The following FCGR1A variants were observed in gnomAD, a reference collection of about 807,000 sequenced individuals.
FCGR1A encodes the protein Fc gamma receptor Ia.
FCGR1A carries 13 observed loss-of-function variants against 35.0 expected under a neutral mutation model. The ratio of observed to expected loss-of-function variants is 0.37; its 90% CI spans 0.24 to 0.59. FCGR1A has a LOEUF of 0.59. FCGR1A is among the 20% of genes least tolerant of loss of function. FCGR1A has a pLI of 0.71. For missense variants in FCGR1A, 227 were observed against 430.0 expected (o/e 0.53, Z 4.17); for synonymous variants, 91 against 164.7 (o/e 0.55, Z 3.43).
At chr1:149,792,667 G>C (rs782076336), downstream of FCGR1A, 3 of 1,278,118 alleles carry the variant, frequency 2.3e-6, 1 homozygote, top group African/African-American at 4.7e-5. Flanking sequence ...GGGGGCCGCA[G>C]CCGCCAGCGC....
intron 3 of FCGR1A, among the ~76,000 whole-genome samples, chr1:149,784,831 A>G (rs2091498421): frequency 6.6e-6 from 1 of 151,916 alleles, no homozygotes; most frequent in African/African-American, 2.4e-5. Context: ...ATATTAATAG[A>G]AATCCACTTT....
downstream of FCGR1A, among the ~76,000 whole-genome samples, chr1:149,796,328 T>C (rs1269806608): frequency 1.3e-5 from 2 of 152,162 alleles, no homozygotes; most frequent in Non-Finnish European, 2.9e-5. Flanking sequence ...TAAGGAAGAC[T>C]AGAAATAATT....
chr1:149,788,380 C>T lies in FCGR1A; in HGVS notation c.322C>T (p.Gln108Ter). 1 of 1,612,974 alleles carries T rather than the reference C, an allele frequency of 6.2e-7. No homozygotes were observed. Among genetic ancestry groups the T allele is most frequent in the Non-Finnish European group, 8.5e-7 (1 of 1,179,860 alleles). The change falls in exon 4 of 6, where the codon CAG (glutamine) becomes TAG (stop). Residue 108 changes from glutamine to a stop codon, truncating the protein, a stop_gained. Coordinates refer to ENST00000369168, the MANE Select transcript of FCGR1A (RefSeq NM_000566.4). LOFTEE classifies it high-confidence loss of function. ...ATATTTTTCAGGCTGGCTACTACTG[C>T]AGGTCTCCAGCAGAGTCTTCACGGA... ...LEIHRGWLLL[Q>*]VSSRVFTEGE...
At chr1:149,793,964 C>G (rs1293478767), downstream of FCGR1A, 30 of 1,106,328 alleles carry the variant, frequency 2.7e-5, no homozygotes, top group African/African-American at 3.3e-5. Flanking sequence ...CAAGGATTAG[C>G]TAGACCTGCC....
the FCGR1A span, among the ~76,000 whole-genome samples, chr1:149,798,775 C>G: frequency 6.6e-6 from 1 of 152,096 alleles, no homozygotes; most frequent in East Asian, 1.9e-4. Context: ...CCATGCCTGG[C>G]TAATATTTTT....
chr1:149,793,830 T>C (rs2091768072), downstream of FCGR1A: 1 of 1,224,582 alleles, frequency 8.2e-7, no homozygotes, highest in African/African-American at 1.6e-5. Flanking sequence ...CAGAGGTTCC[T>C]AGCCTGAGAA....
rs1553751166 is a variant in FCGR1A, at chr1:149,788,536, A to G, written c.478A>G (p.Ile160Val). ...TAACCTCACCATTCTGAAAACCAAC[A>G]TAAGTCACAATGGCACCTACCATTG... ...NSNLTILKTNISHNGTYHCSG... is the reference protein window; with the variant it reads ...NSNLTILKTNVSHNGTYHCSG... The change falls in exon 4 of 6, where the codon ATA becomes GTA. Residue 160 changes from isoleucine (I) to valine (V), a missense_variant. By Grantham distance (29) the Ile-to-Val change is conservative. This residue lies in a region of FCGR1A where 185 missense variants were observed against 306.6 expected (regional missense o/e 0.60). Coordinates refer to ENST00000369168, the MANE Select transcript of FCGR1A (RefSeq NM_000566.4). 4 of 1,613,780 alleles carry G rather than the reference A, an allele frequency of 2.5e-6. No homozygotes were observed. The highest frequency in any genetic ancestry group is 2.2e-5 in the East Asian group (1 of 44,878).
chr1:149,793,302 C>G, downstream of FCGR1A: 1 of 1,177,880 alleles, frequency 8.5e-7, no homozygotes, highest in South Asian at 1.5e-5. Flanking sequence ...CCGTCCAGCT[C>G]GGAGGACCTC....
Position 149,784,719 on chromosome 1 carries a change from T to C in FCGR1A, c.307+462T>C, listed in dbSNP as rs2260130. On this transcript the variant is annotated intron_variant, in intron 3 of 5. Transcript: ENST00000369168. The stretch of plus-strand genomic sequence containing the variant: ...TATAAACTATATATATATATATATA[T>C]ACACACATATATATAGTTTTAAAGC... 1.2e-3 allele frequency among the ~76,000 whole-genome samples: 159 copies of C among 129,430 alleles called. 1 individual carries two copies. The highest frequency in any genetic ancestry group is 1.9e-3 in the African/African-American group (66 of 35,436). The allele number at this position is 129,430 out of a possible 152,430, so 84.9% of individuals were successfully genotyped here.
rs782020678 is a variant in FCGR1A, at chr1:149,791,228, C to G, written c.845-9C>G. 3 of 1,605,814 alleles carry G rather than the reference C, an allele frequency of 1.9e-6. No homozygotes were observed. The highest frequency in any genetic ancestry group is 3.4e-5 in the Admixed American group (2 of 59,630). Reference sequence around the variant, plus strand: ...TAGTATCTCTTCTCTTTGTCTTTTTCTGTTTCAGGCCTCCAGTTACCAACT... The same window carrying G: ...TAGTATCTCTTCTCTTTGTCTTTTTGTGTTTCAGGCCTCCAGTTACCAACT... On this transcript the variant is annotated splice_polypyrimidine_tract_variant and intron_variant, in intron 5 of 5. Coordinates refer to ENST00000369168, the MANE Select transcript of FCGR1A (RefSeq NM_000566.4).
rs1311635416 is a variant in FCGR1A, at chr1:149,791,216, C to G, written c.845-21C>G. Reference sequence around the variant, plus strand: ...CTGGTCTCTAAATAGTATCTCTTCTCTTTGTCTTTTTCTGTTTCAGGCCTC... The same window carrying G: ...CTGGTCTCTAAATAGTATCTCTTCTGTTTGTCTTTTTCTGTTTCAGGCCTC... On this transcript the variant is annotated intron_variant, in intron 5 of 5. Coordinates refer to ENST00000369168, the MANE Select transcript of FCGR1A (RefSeq NM_000566.4). 2.0e-5 allele frequency: 31 copies of G among 1,582,492 alleles called. 2 individuals carry two copies. Among genetic ancestry groups the G allele is most frequent in the Non-Finnish European group, 2.7e-5 (31 of 1,165,008 alleles).
intron 3 of FCGR1A, 43 bp from the exon 4 acceptor site, chr1:149,788,323 C>T: frequency 2.5e-6 from 4 of 1,611,882 alleles, no homozygotes; most frequent in Non-Finnish European, 3.4e-6. Flanking sequence ...CCTCCTTGTA[C>T]CTCCTCCACT....
chr1:149,791,652 T>G lies in FCGR1A; in HGVS notation c.*135T>G. 8 of 1,454,056 alleles carry G rather than the reference T, an allele frequency of 5.5e-6. No individual in the cohort carries two copies. The highest frequency in any genetic ancestry group is 7.3e-6 in the Non-Finnish European group (8 of 1,095,098). The allele number at this position is 1,454,056 out of a possible 1,614,324, so 90.1% of individuals were successfully genotyped here. On this transcript the variant is annotated 3_prime_UTR_variant, in exon 6 of 6. Coordinates refer to ENST00000369168, the MANE Select transcript of FCGR1A (RefSeq NM_000566.4). ...CATGGTATGTAACTCTTAAAGCAAA[T>G]AAATGAACTGACTTCAACTGGGATA...
Position 149,788,619 on chromosome 1 carries a change from T to C in FCGR1A, c.559+2T>C. 1 of 1,613,848 alleles carries C rather than the reference T, an allele frequency of 6.2e-7. No individual in the cohort carries two copies. Among genetic ancestry groups the C allele is most frequent in the Non-Finnish European group, 8.5e-7 (1 of 1,179,850 alleles). On this transcript the variant is annotated splice_donor_variant, in intron 4 of 5. Transcript: ENST00000369168. LOFTEE classifies it high-confidence loss of function. Reference sequence around the variant, plus strand: ...CAGGAATATCTGTCACTGTGAAAGGTATTGTATTGGAATAGTCATAGAACT... The same window carrying C: ...CAGGAATATCTGTCACTGTGAAAGGCATTGTATTGGAATAGTCATAGAACT...
Position 149,791,526 on chromosome 1 carries a change from C to A in FCGR1A, c.*9C>A, listed in dbSNP as rs782167114. ...CCCAGGGGGCCACGTAGCAGCGGCT[C>A]AGTGGGTGGCCATCGATCTGGACCG... is the stretch of plus-strand genomic sequence containing the variant. On this transcript the variant is annotated 3_prime_UTR_variant, in exon 6 of 6. Coordinates refer to ENST00000369168, the MANE Select transcript of FCGR1A (RefSeq NM_000566.4). 3 of 1,610,548 alleles carry A rather than the reference C, an allele frequency of 1.9e-6. No individual in the cohort carries two copies. Among genetic ancestry groups the A allele is most frequent in the Non-Finnish European group, 1.7e-6 (2 of 1,179,560 alleles).
At chr1:149,800,310 T>G in the FCGR1A span, among the ~76,000 whole-genome samples, 1 of 152,212 alleles carries the variant, frequency 6.6e-6, no homozygotes, top group Non-Finnish European at 1.5e-5. Context: ...CTTTTGGGTC[T>G]TTGTATGGAG....
downstream of FCGR1A, chr1:149,793,232 G>A (rs1553752420): frequency 1.6e-6 from 2 of 1,260,906 alleles, no homozygotes; most frequent in African/African-American, 1.6e-5. Flanking sequence ...CGCAAGAGCA[G>A]CCGGAGGCGG....
chr1:149,799,523 A>G, the FCGR1A span, among the ~76,000 whole-genome samples: 1 of 152,060 alleles, frequency 6.6e-6, no homozygotes, highest in Non-Finnish European at 1.5e-5. Context: ...ATGGTTGCAT[A>G]CTACACAATA....
downstream of FCGR1A, among the ~76,000 whole-genome samples, chr1:149,793,488 G>T (rs1329208773): frequency 1.3e-5 from 2 of 152,168 alleles, no homozygotes; most frequent in African/African-American, 4.8e-5. Context: ...AAGATTACAG[G>T]ACTGACAATG....
Sources: allele counts gnomAD v4.1 joint callset (sites outside exome capture counted in the v4.1 genomes callset), GRCh38; gene constraint gnomAD v4.1.1; regional missense constraint gnomAD v4.1.1; transcripts MANE v1.5; gene names NCBI Gene and HGNC (gene_info 2026-07-23, HGNC 2026-07-21).